The following GALNT1 variants were observed in gnomAD, a reference collection of about 807,000 sequenced individuals.
GALNT1 encodes the protein GalNAc transferase 1.
Under a neutral mutation model 65.7 loss-of-function variants are expected in GALNT1, and 17 were observed. The ratio of observed to expected loss-of-function variants is 0.26; its 90% confidence interval spans 0.18 to 0.39. GALNT1 has a LOEUF of 0.39. Ranked by LOEUF, GALNT1 falls within the 10% of genes least tolerant of loss-of-function variation. The probability of loss-of-function intolerance (pLI) is 1.00; values close to 1 mark genes in which losing one functional copy is unlikely to be tolerated. For synonymous variants in GALNT1, 210 were observed against 219.7 expected (o/e 0.96, Z 0.39); for missense variants, 460 against 672.8 (o/e 0.68, Z 3.50).
At chr18:35,686,402 T>C (rs1483158545) in intron 5 of GALNT1, among the ~76,000 whole-genome samples, 9 of 152,230 alleles carry the variant, frequency 5.9e-5, no homozygotes, top group Non-Finnish European at 1.2e-4. Context: ...GTTGGGATGC[T>C]TCTGAAGAAG....
At chr18:35,689,052 AAG>A (rs2047913824) in intron 6 of GALNT1, 119 bp from the exon 7 acceptor site, 1 of 714,874 alleles carries the variant, frequency 1.4e-6, no homozygotes, top group Admixed American at 2.3e-5. Context: ...AAAGTTTATG[AAG>A]AGTGTGAGAA....
chr18:35,699,871 C>G (rs1397283786), intron 9 of GALNT1, among the ~76,000 whole-genome samples: 1 of 152,192 alleles, frequency 6.6e-6, no homozygotes, highest in African/African-American at 2.4e-5. Flanking sequence ...CCTTTCTACC[C>G]TCCACATCTC....
At chr18:35,700,093 T>A (rs2048133008) in intron 9 of GALNT1, among the ~76,000 whole-genome samples, 1 of 152,124 alleles carries the variant, frequency 6.6e-6, no homozygotes, top group Non-Finnish European at 1.5e-5. Flanking sequence ...TCAACCTAAT[T>A]TTCCATGTCC....
chr18:35,609,609 A>G (rs899208699), intron 1 of GALNT1, among the ~76,000 whole-genome samples: 26 of 152,192 alleles, frequency 1.7e-4, no homozygotes, highest in African/African-American at 6.0e-4. Flanking sequence ...CTGTCTTGGC[A>G]TCATAGATGT....
intron 9 of GALNT1, among the ~76,000 whole-genome samples, chr18:35,699,368 G>C (rs1016839100): frequency 1.3e-5 from 2 of 152,048 alleles, no homozygotes; most frequent in African/African-American, 4.8e-5. Context: ...TTTATTTAAG[G>C]GTTCCTGATA....
chr18:35,683,330 C>G, intron 4 of GALNT1, 61 bp from the exon 5 acceptor site: 1 of 1,360,378 alleles, frequency 7.4e-7, no homozygotes, highest in Non-Finnish European at 1.0e-6. Flanking sequence ...ATCAAAATTA[C>G]TTTCATCTGA....
chr18:35,619,419 A>G (rs191560308), intron 1 of GALNT1, among the ~76,000 whole-genome samples: 86 of 152,240 alleles, frequency 5.6e-4, no homozygotes, highest in African/African-American at 1.9e-3. Flanking sequence ...AAAAAAAAGA[A>G]TTTCATCTAA....
At chr18:35,626,062 C>T (rs1400956168) in intron 1 of GALNT1, among the ~76,000 whole-genome samples, 1 of 152,062 alleles carries the variant, frequency 6.6e-6, no homozygotes, top group East Asian at 1.9e-4. Flanking sequence ...CTGTTTTGTC[C>T]ACTTGAGATA....
intron 1 of GALNT1, among the ~76,000 whole-genome samples, chr18:35,651,109 G>A (rs183117051): frequency 1.7e-3 from 253 of 152,062 alleles, no homozygotes; most frequent in Admixed American, 4.1e-3. Context: ...CCCTCCGTTC[G>A]GGGTCCCTGA....
At chr18:35,696,304 T>G (rs2048056491) in intron 9 of GALNT1, among the ~76,000 whole-genome samples, 1 of 152,214 alleles carries the variant, frequency 6.6e-6, no homozygotes, top group Non-Finnish European at 1.5e-5. Flanking sequence ...TAGCCTTTCA[T>G]AGATCTCTTC....
intron 1 of GALNT1, among the ~76,000 whole-genome samples, chr18:35,613,828 A>ACT (rs144465138): frequency 0.013 from 1,951 of 152,118 alleles, 45 homozygotes; most frequent in African/African-American, 0.045. Context: ...CTGCAGTTCC[A>ACT]CTCTAACTGG....
chr18:35,611,501 T>A (rs2046716750), intron 1 of GALNT1, among the ~76,000 whole-genome samples: 1 of 152,236 alleles, frequency 6.6e-6, no homozygotes, highest in East Asian at 1.9e-4. Context: ...TGTAATCGAA[T>A]GTTATCTAAC....
intron 1 of GALNT1, among the ~76,000 whole-genome samples, chr18:35,584,941 C>G (rs751721496): frequency 6.6e-6 from 1 of 152,128 alleles, no homozygotes; most frequent in Non-Finnish European, 1.5e-5. Context: ...CTGTATGGAG[C>G]GATTAATGTG....
intron 1 of GALNT1, among the ~76,000 whole-genome samples, chr18:35,592,881 C>T (rs1229759795): frequency 6.6e-6 from 1 of 152,282 alleles, no homozygotes; most frequent in African/African-American, 2.4e-5. Flanking sequence ...TTTATCCTTG[C>T]CCCTTTTAGA....
rs199907106 is a variant in GALNT1, at chr18:35,584,708, A to C, written c.-104+2846A>C. On this transcript the variant is annotated intron_variant, in intron 1 of 11. Transcript: ENST00000269195. The stretch of plus-strand genomic sequence containing the variant: ...TGAAACCGTTACACCTCAGATCATC[A>C]GGCATTAGATTCTCATAAGTCTTGT... Among the ~76,000 whole-genome samples, 5 of 152,346 alleles carry C rather than the reference A, an allele frequency of 3.3e-5. No individual in the cohort carries two copies. In the East Asian group the frequency reaches 9.6e-4, roughly 29 times the overall value.
chr18:35,683,698 T>A, intron 5 of GALNT1, 100 bp downstream of exon 5: 1 of 924,152 alleles, frequency 1.1e-6, no homozygotes, highest in South Asian at 2.0e-5. Flanking sequence ...ATAAAAGTAA[T>A]TTCCTCCCAA....
intron 4 of GALNT1, among the ~76,000 whole-genome samples, 175 bp downstream of exon 4, chr18:35,677,932 A>G (rs1416467792): frequency 6.6e-6 from 1 of 152,226 alleles, no homozygotes; most frequent in East Asian, 1.9e-4. Flanking sequence ...GAAACTTAAA[A>G]TATTACTTTA....
At chr18:35,615,342 A>G (rs1410993182) in intron 1 of GALNT1, among the ~76,000 whole-genome samples, 3 of 152,196 alleles carry the variant, frequency 2.0e-5, no homozygotes, top group African/African-American at 4.8e-5. Context: ...AATCAAGGAA[A>G]TGGAATACGT....
chr18:35,589,899 A>T (rs1258406185), intron 1 of GALNT1, among the ~76,000 whole-genome samples: 1 of 152,252 alleles, frequency 6.6e-6, no homozygotes, highest in South Asian at 2.1e-4. Flanking sequence ...GATTCAGTAG[A>T]TGTAACATTT....
Sources: allele counts gnomAD v4.1 joint callset (sites outside exome capture counted in the v4.1 genomes callset), GRCh38; gene constraint gnomAD v4.1.1; transcripts MANE v1.5; gene names NCBI Gene and HGNC (gene_info 2026-07-23, HGNC 2026-07-21).